The following KCND2 variants were observed in gnomAD, a reference collection of about 807,000 sequenced individuals.
KCND2 encodes A-type voltage-gated potassium channel KCND2.
In KCND2, 16 loss-of-function variants were observed where a neutral mutation model predicts 54.4. That is an observed-to-expected ratio of 0.29 (90% confidence interval 0.20 to 0.45). KCND2 has a LOEUF of 0.45. KCND2 is among the 20% of genes least tolerant of loss of function. The pLI is 1.00. For missense variants in KCND2, 486 were observed against 824.2 expected, an observed-to-expected ratio of 0.59 and a Z score of 5.02; for synonymous variants, 317 against 310.7, an observed-to-expected ratio of 1.02 and a Z score of -0.21.
At chr7:120,677,666 C>A (rs1792084082) in intron 1 of KCND2, among the ~76,000 whole-genome samples, 1 of 151,760 alleles carries the variant, frequency 6.6e-6, no homozygotes, top group Admixed American at 6.6e-5. Flanking sequence ...AGGATCCCCT[C>A]CTTCTGAAGA....
At chr7:120,644,460 C>A (rs915310408) in intron 1 of KCND2, among the ~76,000 whole-genome samples, 1 of 152,132 alleles carries the variant, frequency 6.6e-6, no homozygotes, top group Non-Finnish European at 1.5e-5. Context: ...ATTTCCAAAC[C>A]TCTAGAAAAT....
intron 1 of KCND2, among the ~76,000 whole-genome samples, chr7:120,524,298 G>A (rs962292884): frequency 2.6e-5 from 4 of 152,010 alleles, no homozygotes; most frequent in African/African-American, 9.7e-5. Flanking sequence ...GAATAATAAG[G>A]TAAGGAGCTA....
rs537545327 is a variant in KCND2 at position 120,685,145 on chromosome 7, T to C, written c.1116-47758T>C. On this transcript the variant is annotated intron_variant, in intron 1 of 5. Coordinates refer to ENST00000331113, the MANE Select transcript of KCND2 (RefSeq NM_012281.3). ...CCAAAAAGTTTCGGGACTGCTGGTT[T>C]ACAGCAAGGCTCAGAAGTAGCAACA... 5.9e-5 allele frequency among the ~76,000 whole-genome samples: 9 copies of C among 152,300 alleles called. No individual in the cohort carries two copies. In the South Asian group the frequency reaches 1.9e-3, roughly 32 times the overall value.
At chr7:120,723,312 T>C (rs1792691906) in intron 1 of KCND2, among the ~76,000 whole-genome samples, 1 of 152,154 alleles carries the variant, frequency 6.6e-6, no homozygotes, top group South Asian at 2.1e-4. Flanking sequence ...TCCCTCAATA[T>C]ACTCACAAGG....
chr7:120,463,075 A>G (rs1185562502), intron 1 of KCND2, among the ~76,000 whole-genome samples: 2 of 152,076 alleles, frequency 1.3e-5, no homozygotes, highest in African/African-American at 2.4e-5. Context: ...TTGAAGTTCT[A>G]TAGAGATTGG....
intron 1 of KCND2, among the ~76,000 whole-genome samples, chr7:120,291,665 A>G (rs780845717): frequency 2.6e-5 from 4 of 151,844 alleles, no homozygotes; most frequent in Non-Finnish European, 2.9e-5. Flanking sequence ...CAGATCTGGG[A>G]TTTTGAACCA....
At chr7:120,629,451 A>G (rs549818008) in intron 1 of KCND2, among the ~76,000 whole-genome samples, 19 of 151,876 alleles carry the variant, frequency 1.3e-4, no homozygotes, top group South Asian at 2.1e-4. Context: ...GTGCCACTGC[A>G]CTCCATCCTG....
At chr7:120,326,873 A>G (rs7805413) in intron 1 of KCND2, among the ~76,000 whole-genome samples, 100,417 of 151,948 alleles carry the variant, frequency 0.66, 38,061 homozygotes, top group South Asian at 0.91. Context: ...TGAATGAATA[A>G]TGTACTGAAC....
intron 1 of KCND2, among the ~76,000 whole-genome samples, chr7:120,509,917 C>A (rs921896458): frequency 1.3e-5 from 2 of 152,024 alleles, no homozygotes; most frequent in African/African-American, 4.8e-5. Flanking sequence ...CAAACACTTG[C>A]CAAATAATGG....
intron 1 of KCND2, among the ~76,000 whole-genome samples, chr7:120,721,332 T>C (rs1792663404): frequency 6.6e-6 from 1 of 152,180 alleles, no homozygotes; most frequent in Non-Finnish European, 1.5e-5. Context: ...TTTGTATAGT[T>C]AATAAAAAGA....
chr7:120,645,932 A>G (rs912965705), intron 1 of KCND2, among the ~76,000 whole-genome samples: 1 of 152,234 alleles, frequency 6.6e-6, no homozygotes, highest in African/African-American at 2.4e-5. Context: ...CTCTCCTTTA[A>G]TAAACACTGG....
intron 1 of KCND2, among the ~76,000 whole-genome samples, chr7:120,514,496 T>C (rs956789667): frequency 2.0e-5 from 3 of 152,118 alleles, no homozygotes; most frequent in African/African-American, 7.2e-5. Flanking sequence ...CCAAATATTA[T>C]AGTAGTCAAT....
intron 1 of KCND2, among the ~76,000 whole-genome samples, chr7:120,393,532 G>C (rs541585798): frequency 6.6e-6 from 1 of 152,024 alleles, no homozygotes; most frequent in East Asian, 1.9e-4. Flanking sequence ...AATGTTGTAG[G>C]TGCTTTCTTC....
intron 1 of KCND2, among the ~76,000 whole-genome samples, chr7:120,303,879 T>C (rs1360543213): frequency 6.6e-6 from 1 of 152,204 alleles, no homozygotes; most frequent in Non-Finnish European, 1.5e-5. Context: ...TTCCTTCTCT[T>C]CTGGCTGTGG....
At chr7:120,707,646 A>T (rs1792486424) in intron 1 of KCND2, among the ~76,000 whole-genome samples, 1 of 152,122 alleles carries the variant, frequency 6.6e-6, no homozygotes, top group Non-Finnish European at 1.5e-5. Context: ...CTTACGATTT[A>T]TCAACTTCAT....
At chr7:120,516,024 C>A (rs965437769) in intron 1 of KCND2, among the ~76,000 whole-genome samples, 1 of 152,032 alleles carries the variant, frequency 6.6e-6, no homozygotes, top group Non-Finnish European at 1.5e-5. Context: ...CTGATGTAGT[C>A]TTCTGTATTA....
chr7:120,557,278 A>G (rs186051783), intron 1 of KCND2, among the ~76,000 whole-genome samples: 1 of 152,094 alleles, frequency 6.6e-6, no homozygotes, highest in Non-Finnish European at 1.5e-5. Flanking sequence ...TCTTTTCTTT[A>G]TGCTACAAAC....
At chr7:120,548,252 G>A (rs187804746) in intron 1 of KCND2, among the ~76,000 whole-genome samples, 5 of 152,108 alleles carry the variant, frequency 3.3e-5, no homozygotes, top group African/African-American at 7.2e-5. Flanking sequence ...TCTCACTTTT[G>A]TGGAAACCGA....
chr7:120,509,558 C>T (rs1803080868), intron 1 of KCND2, among the ~76,000 whole-genome samples: 1 of 152,074 alleles, frequency 6.6e-6, no homozygotes, highest in Non-Finnish European at 1.5e-5. Flanking sequence ...AAGTTTCTTA[C>T]TTCTTTTGGC....
Sources: gnomAD v4.1 joint callset for allele counts (sites outside exome capture counted in the v4.1 genomes callset) on GRCh38, gnomAD v4.1.1 for gene constraint, MANE v1.5 for transcripts, NCBI Gene and HGNC (gene_info 2026-07-23, HGNC 2026-07-21) for gene names.